MALRD1: variants seen among roughly 807,000 people sequenced by gnomAD.
MALRD1 encodes MAM and LDL receptor class A domain containing 1.
Under a neutral mutation model 242.1 loss-of-function variants are expected in MALRD1, and 247 were observed. The ratio of observed to expected loss-of-function variants is 1.02; its 90% CI spans 0.92 to 1.13. The LOEUF (loss-of-function observed/expected upper bound fraction) is 1.13, where lower values mean the gene tolerates loss of function less well. Among genes scored for constraint, MALRD1 ranks in the 50% most tolerant of loss-of-function variants. The probability of loss-of-function intolerance (pLI) is 0.00; values close to 1 mark genes in which losing one functional copy is unlikely to be tolerated. For missense variants in MALRD1, 2,989 were observed against 2,533.1 expected, an observed-to-expected ratio of 1.18 and a Z score of -3.86; for synonymous variants, 995 against 866.6, an observed-to-expected ratio of 1.15 and a Z score of -2.60.
chr10:19,115,695 G>A (rs892786225), intron 5 of MALRD1, among the ~76,000 whole-genome samples: 4 of 152,056 alleles, frequency 2.6e-5, no homozygotes, highest in African/African-American at 9.6e-5. Flanking sequence ...GGGCAACATG[G>A]TGAAACCCTG....
chr10:19,578,113 T>G (rs1836921351), intron 33 of MALRD1, among the ~76,000 whole-genome samples: 1 of 151,376 alleles, frequency 6.6e-6, no homozygotes, highest in Non-Finnish European at 1.5e-5. Flanking sequence ...AATGCAACAC[T>G]GTTTTACTTA....
At chr10:19,576,356 G>A (rs77641702) in intron 33 of MALRD1, among the ~76,000 whole-genome samples, 6,241 of 152,204 alleles carry the variant, frequency 0.041, 391 homozygotes, top group African/African-American at 0.13. Flanking sequence ...TACACAACAT[G>A]CATCTCTGGA....
intron 10 of MALRD1, among the ~76,000 whole-genome samples, chr10:19,143,807 T>C (rs970281376): frequency 6.6e-6 from 1 of 152,124 alleles, no homozygotes; most frequent in Non-Finnish European, 1.5e-5. Flanking sequence ...TGACAGAACA[T>C]TTTGGAGGTG....
intron 36 of MALRD1, among the ~76,000 whole-genome samples, chr10:19,668,932 C>T (rs1044697753): frequency 3.3e-5 from 5 of 152,240 alleles, no homozygotes; most frequent in Middle Eastern, 3.4e-3. Context: ...AAAATTTCCC[C>T]AGATTGGTGA....
At chr10:19,700,798 T>C (rs570380790) in intron 38 of MALRD1, among the ~76,000 whole-genome samples, 2 of 152,148 alleles carry the variant, frequency 1.3e-5, no homozygotes, top group African/African-American at 4.8e-5. Flanking sequence ...ATCTTTTGAG[T>C]CATTTGATCC....
intron 1 of MALRD1, among the ~76,000 whole-genome samples, chr10:19,061,349 A>G (rs924086113): frequency 4.6e-5 from 7 of 152,216 alleles, no homozygotes; most frequent in Non-Finnish European, 1.0e-4. Flanking sequence ...ACATTTCAGT[A>G]CTACCGAAAG....
At chr10:19,638,552 A>G (rs1278946631) in intron 36 of MALRD1, among the ~76,000 whole-genome samples, 1 of 152,200 alleles carries the variant, frequency 6.6e-6, no homozygotes, top group East Asian at 1.9e-4. Flanking sequence ...GGAAAATGGT[A>G]GTACTGCAAG....
intron 38 of MALRD1, among the ~76,000 whole-genome samples, chr10:19,704,766 A>G (rs966619189): frequency 7.2e-5 from 11 of 152,218 alleles, no homozygotes; most frequent in African/African-American, 2.4e-4. Context: ...GATGAATGCT[A>G]TGATAGAAAT....
rs565057544 is a variant in MALRD1 at position 19,464,917 on chromosome 10, TC to T, written c.5029+14428del. ...TGTTTTATAGTTTTCCTTGTAGAGGTCTTTCACCTCCTTGGTTAGGTATAAT... is the reference window on the plus strand; with the variant it reads ...TGTTTTATAGTTTTCCTTGTAGAGGTTTTCACCTCCTTGGTTAGGTATAAT... On this transcript the variant is annotated intron_variant, in intron 29 of 39. Transcript: ENST00000454679. Among the ~76,000 whole-genome samples, 13 of 151,010 alleles carry T rather than the reference TC, an allele frequency of 8.6e-5. No individual in the cohort carries two copies. The East Asian group carries it at 2.6e-3, about 30-fold the overall frequency.
At chr10:19,231,416 T>C (rs766719338) in intron 18 of MALRD1, among the ~76,000 whole-genome samples, 7 of 152,212 alleles carry the variant, frequency 4.6e-5, no homozygotes, top group African/African-American at 1.4e-4. Flanking sequence ...CATTAGGTTC[T>C]GGACATAACC....
At chr10:19,445,232 T>A (rs1299738079) in intron 28 of MALRD1, among the ~76,000 whole-genome samples, 1 of 152,216 alleles carries the variant, frequency 6.6e-6, no homozygotes, top group East Asian at 1.9e-4. Flanking sequence ...GGTTTTTAGC[T>A]TCTTTGCAAT....
chr10:19,135,024 G>A (rs1197908945), intron 9 of MALRD1, among the ~76,000 whole-genome samples: 1 of 152,048 alleles, frequency 6.6e-6, no homozygotes, highest in Admixed American at 6.5e-5. Flanking sequence ...GTATGTAGCA[G>A]CATACAAAGT....
chr10:19,487,517 CTTT>C (rs11301302), intron 29 of MALRD1, among the ~76,000 whole-genome samples: 5,822 of 142,160 alleles, frequency 0.041, 367 homozygotes, highest in African/African-American at 0.14. Flanking sequence ...CCTATTTTAA[CTTT>C]TTTTTTTTTT....
At chr10:19,390,182 T>C (rs1401905684) in intron 28 of MALRD1, among the ~76,000 whole-genome samples, 7 of 152,218 alleles carry the variant, frequency 4.6e-5, no homozygotes, top group Admixed American at 4.6e-4. Context: ...ACATTTCTTC[T>C]TCCTATTTAG....
Position 19,389,457 on chromosome 10 carries a change from T to C in MALRD1, c.4693T>C (p.Phe1565Leu). ...DHTLGNENGHFMYLEATAVGL... is the reference protein window; with the variant it reads ...DHTLGNENGHLMYLEATAVGL... Reference sequence around the variant, plus strand: ...AATTCTGTCCTTGTTCCTAGGGCACTTCATGTATCTGGAAGCTACTGCAGT... The same window carrying C: ...AATTCTGTCCTTGTTCCTAGGGCACCTCATGTATCTGGAAGCTACTGCAGT... The change falls in exon 28 of 40, where the codon TTC (phenylalanine) becomes CTC (leucine). Residue 1565 changes from phenylalanine (F) to leucine (L), a missense_variant. By Grantham distance (22) the Phe-to-Leu change is conservative. Coordinates refer to ENST00000454679, the MANE Select transcript of MALRD1 (RefSeq NM_001142308.3). 1 of 1,550,290 alleles carries C rather than the reference T, an allele frequency of 6.5e-7. No homozygotes were observed. The highest frequency in any genetic ancestry group is 8.7e-7 in the Non-Finnish European group (1 of 1,146,836).
At chr10:19,675,741 A>G (rs1279853218) in intron 36 of MALRD1, among the ~76,000 whole-genome samples, 1 of 152,236 alleles carries the variant, frequency 6.6e-6, no homozygotes, top group Non-Finnish European at 1.5e-5. Flanking sequence ...GCATATTTTC[A>G]GTAAATATTG....
chr10:19,606,063 C>T (rs933693798), intron 34 of MALRD1, among the ~76,000 whole-genome samples: 2 of 151,910 alleles, frequency 1.3e-5, no homozygotes, highest in African/African-American at 4.8e-5. Context: ...ATTTTTTTTA[C>T]GTCCAACTTT....
rs139463077 is a variant in MALRD1 at position 19,116,747 on chromosome 10, A to T, written c.695-6745A>T. ...ATGTATCACTGATGGAGGATTTGAA[A>T]ACCCCTAAAATAATATTGTACTGCC... On this transcript the variant is annotated intron_variant, in intron 5 of 39. Transcript: ENST00000454679. Among the ~76,000 whole-genome samples the T allele has an allele frequency of 1.7e-3, 258 of 152,260 alleles. 3 individuals carry two copies. The highest frequency in any genetic ancestry group is 5.9e-3 in the African/African-American group (246 of 41,564).
chr10:19,560,468 G>T (rs951968875), intron 32 of MALRD1, among the ~76,000 whole-genome samples: 1 of 151,884 alleles, frequency 6.6e-6, no homozygotes, highest in Admixed American at 6.6e-5. Context: ...GACTCCATCT[G>T]AAAAAATAAA....
Sources: gnomAD v4.1 joint callset for allele counts (sites outside exome capture counted in the v4.1 genomes callset) on GRCh38, gnomAD v4.1.1 for gene constraint, MANE v1.5 for transcripts, NCBI Gene and HGNC (gene_info 2026-07-23, HGNC 2026-07-21) for gene names.